Variants in OPCML observed in about 807,000 individuals in gnomAD.
OPCML encodes opioid binding protein/cell adhesion molecule like.
A neutral mutation model predicts 37.8 loss-of-function variants in OPCML; 13 were observed. The observed-to-expected ratio is 0.34, with a 90% CI of 0.22 to 0.55. The LOEUF (loss-of-function observed/expected upper bound fraction) is 0.55. OPCML is among the 20% of genes least tolerant of loss of function. The pLI is 0.91. For missense variants in OPCML, 341 were observed against 435.6 expected, an observed-to-expected ratio of 0.78 and a Z score of 1.93; for synonymous variants, 176 against 168.8, an observed-to-expected ratio of 1.04 and a Z score of -0.33.
At chr11:133,296,284 CT>C (rs1303068874) in intron 1 of OPCML, among the ~76,000 whole-genome samples, 1 of 152,138 alleles carries the variant, frequency 6.6e-6, no homozygotes, top group African/African-American at 2.4e-5. Context: ...GTCGTCCTGT[CT>C]GTATTTTATT....
At chr11:132,998,750 G>A (rs543424891) in intron 1 of OPCML, among the ~76,000 whole-genome samples, 14 of 152,188 alleles carry the variant, frequency 9.2e-5, no homozygotes, top group Non-Finnish European at 1.8e-4. Flanking sequence ...CTTATAAAAG[G>A]CCCAAATGAG....
chr11:133,494,926 C>T lies in OPCML; in HGVS notation c.61+37338G>A, dbSNP rs1260414536. Among the ~76,000 whole-genome samples the T allele has an allele frequency of 3.3e-5, 5 of 151,356 alleles. No individual in the cohort carries two copies. The East Asian group carries it at 9.6e-4, about 29-fold the overall frequency. On this transcript the variant is annotated intron_variant, in intron 1 of 7. Transcript: ENST00000524381. ...AAAAGTTTTTTCAATTTTATTTTTCCATAAGTTATTGGGGTACAGGTGGTA... is the reference window on the plus strand; with the variant it reads ...AAAAGTTTTTTCAATTTTATTTTTCTATAAGTTATTGGGGTACAGGTGGTA...
intron 2 of OPCML, among the ~76,000 whole-genome samples, chr11:132,731,746 G>A (rs1945082746): frequency 6.6e-6 from 1 of 152,114 alleles, no homozygotes; most frequent in Admixed American, 6.6e-5. Context: ...AGATGAATAA[G>A]CAGCTAACAG....
intron 3 of OPCML, among the ~76,000 whole-genome samples, chr11:132,647,399 AC>A (rs1394035881): frequency 1.3e-5 from 2 of 152,116 alleles, no homozygotes; most frequent in South Asian, 4.1e-4. Flanking sequence ...GGGGGTAATG[AC>A]CCCCACACAG....
intron 1 of OPCML, among the ~76,000 whole-genome samples, chr11:133,035,997 A>G (rs781370377): frequency 6.6e-6 from 1 of 152,188 alleles, no homozygotes; most frequent in Admixed American, 6.5e-5. Flanking sequence ...TGAATATCTA[A>G]TGTTTAAGCC....
rs548404048 is a variant in OPCML at position 133,082,326 on chromosome 11, G to A, written c.62-139316C>T. Among the ~76,000 whole-genome samples the A allele has an allele frequency of 5.5e-3, 834 of 150,940 alleles. 8 individuals are homozygous for A. Among genetic ancestry groups the A allele is most frequent in the African/African-American group, 0.019 (793 of 41,136 alleles). ...GGGCTCCACCCGGCTGGGGCAAAGGGAAGGCCGGGTCTGCCCAAGGCAGAG... is the reference window on the plus strand; with the variant it reads ...GGGCTCCACCCGGCTGGGGCAAAGGAAAGGCCGGGTCTGCCCAAGGCAGAG... On this transcript the variant is annotated intron_variant, in intron 1 of 7. Transcript: ENST00000524381.
chr11:132,732,603 T>C (rs1049223618), intron 2 of OPCML, among the ~76,000 whole-genome samples: 2 of 151,768 alleles, frequency 1.3e-5, no homozygotes, highest in African/African-American at 4.8e-5. Context: ...AAGAGAACAG[T>C]GAGGAAAAAA....
intron 7 of OPCML, among the ~76,000 whole-genome samples, chr11:132,425,110 C>T (rs995866569): frequency 6.6e-6 from 1 of 152,120 alleles, no homozygotes; most frequent in South Asian, 2.1e-4. Context: ...ATGTTGAAGT[C>T]GTTCATTCAA....
intron 2 of OPCML, among the ~76,000 whole-genome samples, chr11:132,743,993 G>A (rs568226932): frequency 6.6e-6 from 1 of 152,282 alleles, no homozygotes; most frequent in African/African-American, 2.4e-5. Context: ...TTTGTGTCAT[G>A]CGTACCTACT....
chr11:133,313,840 C>A (rs986014430), intron 1 of OPCML, among the ~76,000 whole-genome samples: 2 of 152,102 alleles, frequency 1.3e-5, no homozygotes, highest in African/African-American at 4.8e-5. Context: ...TGTTTTAAAC[C>A]ACTCAGGTTG....
At chr11:132,811,830 A>C (rs757040376) in intron 2 of OPCML, among the ~76,000 whole-genome samples, 19 of 152,210 alleles carry the variant, frequency 1.2e-4, no homozygotes, top group Non-Finnish European at 2.4e-4. Context: ...AAAACCATCC[A>C]TGGGTGTGAA....
intron 3 of OPCML, among the ~76,000 whole-genome samples, chr11:132,600,318 C>G (rs565136094): frequency 6.6e-6 from 1 of 152,362 alleles, no homozygotes; most frequent in East Asian, 1.9e-4. Flanking sequence ...CAGCCTTCAT[C>G]TTTGCAAAGA....
At chr11:132,751,481 T>A (rs957193721) in intron 2 of OPCML, among the ~76,000 whole-genome samples, 3 of 152,376 alleles carry the variant, frequency 2.0e-5, no homozygotes, top group African/African-American at 7.2e-5. Context: ...TCATTGTCTT[T>A]GTACTGGTGG....
At position 132,766,898 on chromosome 11, in the gene OPCML, T is replaced by C. The variant is rs183997307; in HGVS notation, c.147-109579A>G. Among the ~76,000 whole-genome samples the C allele has an allele frequency of 2.6e-5, 4 of 152,348 alleles. No individual in the cohort carries two copies. The East Asian group carries it at 7.7e-4, about 29-fold the overall frequency. On this transcript the variant is annotated intron_variant, in intron 2 of 7. Transcript: ENST00000524381. ...ATAAACGTTAAATATCCTTTCGTAA[T>C]TGTAAGAGAATATCTTGTTCTTAAC...
At chr11:133,042,292 A>G (rs796847747) in intron 1 of OPCML, among the ~76,000 whole-genome samples, 4 of 152,352 alleles carry the variant, frequency 2.6e-5, no homozygotes, top group African/African-American at 9.6e-5. Context: ...CCTAATGGAT[A>G]GTATGGCCTC....
intron 1 of OPCML, among the ~76,000 whole-genome samples, chr11:132,989,906 ATTTAT>A (rs1252218918): frequency 2.6e-5 from 4 of 152,110 alleles, no homozygotes; most frequent in Admixed American, 1.3e-4. Flanking sequence ...TAACAAATAC[ATTTAT>A]TTTATCACCC....
chr11:133,483,688 ATAG>A (rs1947439639), intron 1 of OPCML, among the ~76,000 whole-genome samples: 1 of 141,212 alleles, frequency 7.1e-6, no homozygotes, highest in Admixed American at 6.8e-5. Context: ...AGATAGATAG[ATAG>A]ATAGATAGAT....
At chr11:133,448,392 T>C (rs1304568837) in intron 1 of OPCML, among the ~76,000 whole-genome samples, 2 of 152,226 alleles carry the variant, frequency 1.3e-5, no homozygotes, top group African/African-American at 4.8e-5. Context: ...TTCTATTCCA[T>C]GAGCTACATG....
chr11:133,357,828 C>A (rs1017881444), intron 1 of OPCML, among the ~76,000 whole-genome samples: 1 of 152,120 alleles, frequency 6.6e-6, no homozygotes, highest in East Asian at 1.9e-4. Context: ...CCTTTCCTGC[C>A]AGGCTACTAG....
Sources: allele counts gnomAD v4.1 joint callset (sites outside exome capture counted in the v4.1 genomes callset), GRCh38; gene constraint gnomAD v4.1.1; transcripts MANE v1.5; gene names NCBI Gene and HGNC (gene_info 2026-07-23, HGNC 2026-07-21).